Variants in MXI1 observed in about 807,000 individuals in gnomAD.
MXI1 encodes the protein MAX interactor 1, dimerization protein.
MXI1 carries 18 observed loss-of-function variants against 36.9 expected under a neutral mutation model. The ratio of observed to expected loss-of-function variants is 0.49; its 90% CI spans 0.34 to 0.72. MXI1 has a LOEUF of 0.72. Among genes scored for constraint, MXI1 ranks in the 30% least tolerant of loss-of-function variants. The probability of loss-of-function intolerance (pLI) is 0.01; values close to 1 mark genes in which losing one functional copy is unlikely to be tolerated. For synonymous variants in MXI1, 160 were observed against 146.7 expected (o/e 1.09, Z -0.65); for missense variants, 304 against 379.1 (o/e 0.80, Z 1.64).
At chr10:110,217,356 A>G (rs147309807) in intron 1 of MXI1, among the ~76,000 whole-genome samples, 1 of 152,350 alleles carries the variant, frequency 6.6e-6, no homozygotes, top group African/African-American at 2.4e-5. Flanking sequence ...CTTTATTGCC[A>G]TTAGCAAGGA....
chr10:110,279,181 C>T lies in MXI1; in HGVS notation c.439C>T (p.Arg147Ter). The change falls in exon 4 of 6, where the codon CGA becomes TGA. Residue 147 changes from arginine to a stop codon, truncating the protein, a stop_gained and splice_region_variant. Coordinates refer to ENST00000332674, the MANE Select transcript of MXI1 (RefSeq NM_130439.3). LOFTEE classifies it high-confidence loss of function. ...STHNELEKNR[R>*]AHLRLCLERL... ...GATTTGACTTTTTGTCTTTCTTAGA[C>T]GAGCTCATCTGCGCCTTTGTTTAGA... The T allele has an allele frequency of 1.2e-6, 2 of 1,612,024 alleles. No individual in the cohort carries two copies. The highest frequency in any genetic ancestry group is 1.7e-6 in the Non-Finnish European group (2 of 1,178,280).
chr10:110,207,958 C>T lies in MXI1; in HGVS notation c.150C>T (p.Pro50=), dbSNP rs757561087. 1 of 1,596,570 alleles carries T rather than the reference C, an allele frequency of 6.3e-7. No individual in the cohort carries two copies. The highest frequency in any genetic ancestry group is 8.5e-7 in the Non-Finnish European group (1 of 1,172,218). ...CCGCTGGGGCCAAGCCCAGGTGCCC[C>T]TTCTCAGACATTTTCAACACCAGCG... is the stretch of plus-strand genomic sequence containing the variant. The part of the protein sequence containing the change: ...EDPAGAKPRC[P]FSDIFNTSEN... Residue 50 remains proline (P), a synonymous_variant, in exon 1 of 6, where the codon CCC becomes CCT. Transcript: ENST00000332674.
intron 3 of MXI1, among the ~76,000 whole-genome samples, chr10:110,271,059 TC>T (rs1856835566): frequency 6.6e-6 from 1 of 150,512 alleles, no homozygotes; most frequent in African/African-American, 2.5e-5. Flanking sequence ...GCCACTGCAC[TC>T]CAGCTTGGGC....
chr10:110,264,936 T>A (rs543540428), intron 3 of MXI1, among the ~76,000 whole-genome samples: 103 of 149,068 alleles, frequency 6.9e-4, no homozygotes, highest in African/African-American at 1.8e-3. Flanking sequence ...ATGTTAAAAA[T>A]TTTTTTTTTT....
At chr10:110,273,069 A>C (rs547453143) in intron 3 of MXI1, among the ~76,000 whole-genome samples, 11 of 118,800 alleles carry the variant, frequency 9.3e-5, no homozygotes, top group African/African-American at 2.9e-4. Context: ...TTTTTGTGAG[A>C]TGGAGTCTCG....
intron 3 of MXI1, among the ~76,000 whole-genome samples, chr10:110,263,231 C>G (rs534908336): frequency 1.3e-5 from 2 of 151,988 alleles, no homozygotes; most frequent in African/African-American, 4.8e-5. Flanking sequence ...CCTGCCATGT[C>G]GAGATAGAAA....
intron 3 of MXI1, among the ~76,000 whole-genome samples, chr10:110,251,369 T>C (rs1296239342): frequency 2.0e-5 from 3 of 152,170 alleles, no homozygotes; most frequent in African/African-American, 7.2e-5. Flanking sequence ...GGCATCATGA[T>C]AGATCAAATG....
intron 1 of MXI1, among the ~76,000 whole-genome samples, chr10:110,222,378 C>T (rs909445994): frequency 1.3e-5 from 2 of 152,200 alleles, no homozygotes; most frequent in African/African-American, 4.8e-5. Context: ...CTCATGGCCC[C>T]TTCCTCTCTC....
chr10:110,276,987 A>C (rs1335222250), intron 3 of MXI1, among the ~76,000 whole-genome samples: 1 of 151,912 alleles, frequency 6.6e-6, no homozygotes, highest in Non-Finnish European at 1.5e-5. Flanking sequence ...CTGGGATTAC[A>C]GGCGTGCACC....
At chr10:110,235,216 T>C (rs1326870195) in intron 2 of MXI1, among the ~76,000 whole-genome samples, 2 of 152,182 alleles carry the variant, frequency 1.3e-5, no homozygotes, top group African/African-American at 4.8e-5. Flanking sequence ...GAAATGAAGA[T>C]TTTTAAAAAG....
chr10:110,227,255 G>C, intron 1 of MXI1: 3 of 830,230 alleles, frequency 3.6e-6, no homozygotes, highest in Non-Finnish European at 4.2e-6. Context: ...GGAGGGGCGT[G>C]TGCGGGAAGG....
chr10:110,234,931 G>A (rs976624078), intron 2 of MXI1, among the ~76,000 whole-genome samples: 1 of 152,056 alleles, frequency 6.6e-6, no homozygotes. Context: ...GCTACCAGGT[G>A]AACTAGTTAT....
At chr10:110,214,860 T>A (rs1170012762) in intron 1 of MXI1, among the ~76,000 whole-genome samples, 3 of 141,640 alleles carry the variant, frequency 2.1e-5, no homozygotes, top group Non-Finnish European at 4.6e-5. Flanking sequence ...TTTTTTTTTT[T>A]AAAGGAGAGA....
At chr10:110,234,871 A>G (rs917515187) in intron 2 of MXI1, among the ~76,000 whole-genome samples, 4 of 152,234 alleles carry the variant, frequency 2.6e-5, no homozygotes, top group African/African-American at 9.6e-5. Context: ...ATATTATTTT[A>G]CAAACAATAT....
intron 4 of MXI1, 125 bp downstream of exon 4, chr10:110,279,419 G>A: frequency 9.1e-6 from 7 of 773,010 alleles, no homozygotes; most frequent in Non-Finnish European, 1.5e-5. Context: ...CTCAAGAGAA[G>A]TCTTTCTAAA....
intron 1 of MXI1, among the ~76,000 whole-genome samples, chr10:110,217,545 C>T (rs139517445): frequency 7.9e-5 from 12 of 152,266 alleles, no homozygotes; most frequent in South Asian, 2.1e-4. Context: ...ACAGCCTGAC[C>T]GTCCTGCCAT....
intron 1 of MXI1, chr10:110,226,098 C>T: frequency 3.5e-6 from 4 of 1,146,346 alleles, no homozygotes; most frequent in Non-Finnish European, 4.3e-6. Flanking sequence ...CGAGCTGGCC[C>T]GCCCGCCCGT....
intron 3 of MXI1, chr10:110,256,997 A>C (rs964709599): frequency 6.6e-6 from 1 of 152,214 alleles, no homozygotes. Context: ...ATTAGTCTCT[A>C]TTTAGCATAT....
intron 3 of MXI1, among the ~76,000 whole-genome samples, chr10:110,255,593 A>G (rs978576363): frequency 1.2e-4 from 18 of 152,230 alleles, no homozygotes; most frequent in African/African-American, 3.9e-4. Context: ...ATACCTAGGA[A>G]TAAATGTAAC....
Sources: gnomAD v4.1 joint callset for allele counts (sites outside exome capture counted in the v4.1 genomes callset) on GRCh38, gnomAD v4.1.1 for gene constraint, MANE v1.5 for transcripts, NCBI Gene and HGNC (gene_info 2026-07-23, HGNC 2026-07-21) for gene names.